Variants in PLA2R1 observed in about 807,000 individuals in gnomAD.
PLA2R1 encodes the protein phospholipase A2 receptor 1.
PLA2R1 carries 158 observed loss-of-function variants against 195.9 expected under a neutral mutation model. That is an observed-to-expected ratio of 0.81 (90% CI 0.71 to 0.92). The LOEUF is 0.92. Ranked by LOEUF, PLA2R1 falls within the 40% of genes least tolerant of loss-of-function variation. The probability of loss-of-function intolerance (pLI) is 0.00; values close to 1 mark genes in which losing one functional copy is unlikely to be tolerated. For missense variants in PLA2R1, 1,626 were observed against 1,764.6 expected (o/e 0.92, Z 1.41); for synonymous variants, 586 against 598.2 (o/e 0.98, Z 0.30).
At chr2:159,983,158 TG>T (rs1690080807) in intron 13 of PLA2R1, among the ~76,000 whole-genome samples, 1 of 152,240 alleles carries the variant, frequency 6.6e-6, no homozygotes, top group African/African-American at 2.4e-5. Context: ...GGCAGATTTC[TG>T]GCTTATTAGA....
intron 19 of PLA2R1, 127 bp downstream of exon 19, chr2:159,969,129 T>G: frequency 1.7e-6 from 1 of 587,082 alleles, no homozygotes; most frequent in South Asian, 2.1e-5. Context: ...CAGACAAAAC[T>G]GAACACGTCA....
chr2:159,978,755 C>A (rs1415633129), intron 14 of PLA2R1, among the ~76,000 whole-genome samples: 2 of 152,120 alleles, frequency 1.3e-5, no homozygotes, highest in Admixed American at 6.5e-5. Flanking sequence ...ATTAGTGGGG[C>A]TGAATGACCT....
chr2:159,958,540 C>G (rs1236894366), intron 20 of PLA2R1, among the ~76,000 whole-genome samples: 1 of 152,044 alleles, frequency 6.6e-6, no homozygotes, highest in African/African-American at 2.4e-5. Context: ...CATCATACAC[C>G]CCTTAAAAGC....
At chr2:160,049,471 T>C (rs2105651639) in intron 1 of PLA2R1, among the ~76,000 whole-genome samples, 1 of 152,360 alleles carries the variant, frequency 6.6e-6, no homozygotes, top group East Asian at 1.9e-4. Context: ...ATCTGTTCTT[T>C]GAAACTGTAT....
chr2:160,052,099 G>A (rs184232365), intron 1 of PLA2R1, among the ~76,000 whole-genome samples: 90 of 152,232 alleles, frequency 5.9e-4, no homozygotes, highest in African/African-American at 2.1e-3. Context: ...CCACAGGGCC[G>A]TGGACCGCTC....
chr2:160,050,272 G>C (rs1695135768), intron 1 of PLA2R1, among the ~76,000 whole-genome samples: 1 of 152,198 alleles, frequency 6.6e-6, no homozygotes, highest in African/African-American at 2.4e-5. Flanking sequence ...ACTCTGAGCG[G>C]GGAGTGTGCA....
rs1203584739 is a variant in PLA2R1 at position 159,935,110 on chromosome 2, T to A, written c.*6668A>T. The stretch of plus-strand genomic sequence containing the variant: ...CATTTTGGGGAGGATACCAAAGAAG[T>A]CATGTGCCCTTCTCAATGCCATACC... On this transcript the variant is annotated 3_prime_UTR_variant, in exon 30 of 30. Coordinates refer to ENST00000283243, the MANE Select transcript of PLA2R1 (RefSeq NM_007366.5). 6.6e-6 allele frequency: 1 copy of A among 152,196 alleles called. No individual in the cohort carries two copies. Among genetic ancestry groups the A allele is most frequent in the Non-Finnish European group, 1.5e-5 (1 of 68,038 alleles). The allele number at this position is 152,196 out of a possible 1,614,324, so 9.4% of individuals were successfully genotyped here. A position where few individuals can be genotyped will look rare whatever the true frequency, so the allele number is the denominator to read the frequency against.
intron 14 of PLA2R1, among the ~76,000 whole-genome samples, chr2:159,978,193 G>T (rs1689704263): frequency 6.6e-6 from 1 of 152,026 alleles, no homozygotes; most frequent in Non-Finnish European, 1.5e-5. Flanking sequence ...CTTTAATCAG[G>T]AATCTATCAG....
chr2:159,998,994 G>C (rs1211034284), intron 11 of PLA2R1, among the ~76,000 whole-genome samples: 1 of 152,092 alleles, frequency 6.6e-6, no homozygotes, highest in African/African-American at 2.4e-5. Context: ...TTAAGAGGCA[G>C]GGCCTTCTGG....
intron 2 of PLA2R1, among the ~76,000 whole-genome samples, chr2:160,043,384 G>A (rs1406736846): frequency 6.6e-6 from 1 of 152,090 alleles, no homozygotes; most frequent in Non-Finnish European, 1.5e-5. Flanking sequence ...TCAGGGTATT[G>A]CAATACTCGG....
intron 1 of PLA2R1, among the ~76,000 whole-genome samples, chr2:160,060,273 G>C (rs1279122310): frequency 1.3e-5 from 2 of 152,222 alleles, no homozygotes; most frequent in Admixed American, 1.3e-4. Context: ...GCGGTAAACT[G>C]AGGCACCCCA....
At chr2:160,031,925 T>G (rs2105521788) in intron 4 of PLA2R1, among the ~76,000 whole-genome samples, 1 of 152,180 alleles carries the variant, frequency 6.6e-6, no homozygotes, top group East Asian at 1.9e-4. Context: ...TGCCACCACG[T>G]CCGGCAAATT....
At chr2:159,928,865 G>A (rs1208557172), downstream of PLA2R1, among the ~76,000 whole-genome samples, 5 of 152,118 alleles carry the variant, frequency 3.3e-5, no homozygotes, top group Non-Finnish European at 7.4e-5. Flanking sequence ...ACAGCCAACT[G>A]ATCTTCAACA....
chr2:160,053,652 C>T (rs1009308731), intron 1 of PLA2R1, among the ~76,000 whole-genome samples: 10 of 152,236 alleles, frequency 6.6e-5, no homozygotes, highest in African/African-American at 1.9e-4. Flanking sequence ...CGAAATGCTA[C>T]AAGGCATCCA....
chr2:159,966,075 T>C (rs1688769666), intron 20 of PLA2R1, among the ~76,000 whole-genome samples: 1 of 152,196 alleles, frequency 6.6e-6, no homozygotes, highest in Non-Finnish European at 1.5e-5. Context: ...AGTAATTCTA[T>C]ATATTTTTAA....
chr2:159,933,006 T>C lies in PLA2R1; in HGVS notation c.*8772A>G, dbSNP rs1347710204. 6.6e-6 allele frequency: 1 copy of C among 152,052 alleles called. No homozygotes were observed. Among genetic ancestry groups the C allele is most frequent in the Non-Finnish European group, 1.5e-5 (1 of 67,978 alleles). 9.4% of individuals were successfully genotyped at this position (152,052 alleles called of 1,614,324 possible). On this transcript the variant is annotated 3_prime_UTR_variant, in exon 30 of 30. Coordinates refer to ENST00000283243, the MANE Select transcript of PLA2R1 (RefSeq NM_007366.5). The stretch of plus-strand genomic sequence containing the variant: ...TAGCATAGATCATGATGTCTTTTTT[T>C]TTTTTTGAAGAAAAAAGATGGTATT...
Position 159,938,060 on chromosome 2 carries a change from A to G in PLA2R1, c.*3718T>C, listed in dbSNP as rs191841001. The stretch of plus-strand genomic sequence containing the variant: ...TGCTCTCAGGTAAATCAGTTTTAAG[A>G]AAAAATATACATGAAGATTCTGGAA... On this transcript the variant is annotated 3_prime_UTR_variant, in exon 30 of 30. Transcript: ENST00000283243. 2 of 152,350 alleles carry G rather than the reference A, an allele frequency of 1.3e-5. No individual in the cohort carries two copies. The highest frequency in any genetic ancestry group is 4.8e-5 in the African/African-American group (2 of 41,578). 9.4% of individuals were successfully genotyped at this position (152,350 alleles called of 1,614,324 possible). A position where few individuals can be genotyped will look rare whatever the true frequency, so the allele number is the denominator to read the frequency against.
chr2:160,051,585 A>C (rs1007313970), intron 1 of PLA2R1, among the ~76,000 whole-genome samples: 2 of 152,300 alleles, frequency 1.3e-5, no homozygotes, highest in Middle Eastern at 3.4e-3. Context: ...GTTTGTCTTT[A>C]TCTGTTCCAT....
chr2:160,007,515 G>A (rs1209199191), intron 10 of PLA2R1, among the ~76,000 whole-genome samples: 2 of 152,254 alleles, frequency 1.3e-5, no homozygotes, highest in Non-Finnish European at 2.9e-5. Flanking sequence ...CACACCGGTG[G>A]AAGAGCACAC....
Sources: gnomAD v4.1 joint callset for allele counts (sites outside exome capture counted in the v4.1 genomes callset) on GRCh38, gnomAD v4.1.1 for gene constraint, MANE v1.5 for transcripts, NCBI Gene and HGNC (gene_info 2026-07-23, HGNC 2026-07-21) for gene names.